Variants in PCDHA7 observed in about 807,000 individuals in gnomAD.
The protein encoded by PCDHA7 is protocadherin alpha 7, also known as protocadherin alpha-7.
PCDHA7 carries 37 observed loss-of-function variants against 57.2 expected under a neutral mutation model. The ratio of observed to expected loss-of-function variants is 0.65; its 90% CI spans 0.50 to 0.85. PCDHA7 has a LOEUF of 0.85. Ranked by LOEUF, PCDHA7 falls within the 40% of genes least tolerant of loss-of-function variation. PCDHA7 has a pLI of 0.00. For synonymous variants in PCDHA7, 553 were observed against 558.8 expected (o/e 0.99, Z 0.15); for missense variants, 1,188 against 1,241.8 (o/e 0.96, Z 0.65).
intron 1 of PCDHA7, among the ~76,000 whole-genome samples, chr5:140,954,639 T>A (rs1433862413): frequency 6.6e-6 from 1 of 152,240 alleles, no homozygotes; most frequent in East Asian, 1.9e-4. Flanking sequence ...TCTTGTAAAT[T>A]TGTTTAAGTT....
chr5:140,849,692 C>T, intron 1 of PCDHA7: 2 of 1,598,700 alleles, frequency 1.3e-6, no homozygotes, highest in Non-Finnish European at 1.7e-6. Context: ...AGCTGGTGTC[C>T]ACCTACAAGA....
chr5:140,869,136 C>T (rs1554162510), intron 1 of PCDHA7: 5 of 1,613,054 alleles, frequency 3.1e-6, no homozygotes, highest in South Asian at 1.1e-5. Context: ...GATTGGGCAC[C>T]CCACGACTAC....
chr5:140,856,831 A>G, intron 1 of PCDHA7: 1 of 1,591,946 alleles, frequency 6.3e-7, no homozygotes, highest in African/African-American at 1.3e-5. Flanking sequence ...CATTAGTAAT[A>G]CGGCTCAACG....
chr5:140,889,080 A>G (rs2062092798), intron 1 of PCDHA7, among the ~76,000 whole-genome samples: 1 of 151,888 alleles, frequency 6.6e-6, no homozygotes, highest in Non-Finnish European at 1.5e-5. Flanking sequence ...ATTTTGTTAA[A>G]TTTTCAAAAC....
chr5:140,917,327 GGGA>G (rs1563018681), intron 1 of PCDHA7, among the ~76,000 whole-genome samples: 5 of 149,526 alleles, frequency 3.3e-5, no homozygotes, highest in Admixed American at 6.6e-5. Context: ...CATGTGGCGG[GGGA>G]GGGGGGGGAT....
intron 1 of PCDHA7, among the ~76,000 whole-genome samples, chr5:140,955,267 T>C (rs1189039296): frequency 6.6e-6 from 1 of 152,140 alleles, no homozygotes; most frequent in Non-Finnish European, 1.5e-5. Context: ...AGGCTCTTTT[T>C]TGGTTCCATA....
Position 141,009,792 on chromosome 5 carries a change from C to G in PCDHA7, c.2669C>G (p.Pro890Arg), listed in dbSNP as rs1359138927. ...SPAIISIRQEPTNSQIDKSDF... is the reference protein window; with the variant it reads ...SPAIISIRQERTNSQIDKSDF... ...GCAATCATCTCCATCCGGCAGGAGC[C>G]TACTAACAGCCAAATTGACAAAAGT... The change falls in exon 4 of 4, where the codon CCT (proline) becomes CGT (arginine). Residue 890 changes from proline (P) to arginine (R), a missense_variant. Physicochemically the swap from Pro to Arg is moderately radical, Grantham distance 103. Coordinates refer to ENST00000525929, the MANE Select transcript of PCDHA7 (RefSeq NM_018910.3). The G allele has an allele frequency of 4.3e-6, 7 of 1,613,950 alleles. 1 individual carries two copies. Among genetic ancestry groups the G allele is most frequent in the Middle Eastern group, 3.3e-4 (2 of 6,084 alleles).
intron 1 of PCDHA7, among the ~76,000 whole-genome samples, chr5:140,952,159 G>T (rs1226707673): frequency 2.0e-5 from 3 of 152,056 alleles, no homozygotes; most frequent in African/African-American, 7.2e-5. Context: ...TGGCTTTGTG[G>T]GGTTCAGTTC....
intron 1 of PCDHA7, among the ~76,000 whole-genome samples, chr5:140,951,315 C>T (rs782114634): frequency 6.6e-6 from 1 of 151,988 alleles, no homozygotes. Context: ...ATGTGTTATT[C>T]TTGAGATTCA....
intron 1 of PCDHA7, chr5:140,870,040 A>C: frequency 6.2e-7 from 1 of 1,613,768 alleles, no homozygotes; most frequent in Non-Finnish European, 8.5e-7. Context: ...TGAAGAAAAC[A>C]AGTTTTATAA....
At chr5:140,985,103 A>C (rs1342526252) in intron 3 of PCDHA7, among the ~76,000 whole-genome samples, 1 of 151,694 alleles carries the variant, frequency 6.6e-6, no homozygotes, top group Admixed American at 6.6e-5. Context: ...AAGCCTGGCT[A>C]ATTTTTTGTG....
At chr5:140,890,248 A>G (rs2062564503) in intron 1 of PCDHA7, among the ~76,000 whole-genome samples, 1 of 152,096 alleles carries the variant, frequency 6.6e-6, no homozygotes, top group Non-Finnish European at 1.5e-5. Context: ...CCAGTACACT[A>G]CTGCACCTGA....
In PCDHA7 at chr5:140,835,791, C is replaced by T; in HGVS notation, c.1408C>T (p.Pro470Ser). The change falls in exon 1 of 4, where the codon CCG (proline) becomes TCG (serine). Residue 470 changes from proline (P) to serine (S), a missense_variant. Pro to Ser is a moderately conservative substitution (Grantham distance 74). This residue lies in a region of PCDHA7 where 892 missense variants were observed against 788.5 expected (regional missense o/e 1.13). Transcript: ENST00000525929. The part of the protein sequence containing the change: ...YTVFVKENNP[P>S]GCHIFTVSAG... ...GGTGTTCGTGAAGGAGAACAACCCG[C>T]CGGGCTGCCACATCTTCACTGTGTC... is the stretch of plus-strand genomic sequence containing the variant. The T allele has an allele frequency of 6.2e-7, 1 of 1,613,176 alleles. No individual in the cohort carries two copies. Among genetic ancestry groups the T allele is most frequent in the Non-Finnish European group, 8.5e-7 (1 of 1,179,754 alleles).
At chr5:140,848,315 C>A (rs1347571265) in intron 1 of PCDHA7, 1 of 741,172 alleles carries the variant, frequency 1.3e-6, no homozygotes. Flanking sequence ...CTCTTTGCCG[C>A]GATGTTCTCT....
chr5:140,919,509 A>G (rs897648504), intron 1 of PCDHA7, among the ~76,000 whole-genome samples: 1 of 152,052 alleles, frequency 6.6e-6, no homozygotes, highest in Non-Finnish European at 1.5e-5. Context: ...CTTTTTCTAT[A>G]TGTTTTAATT....
intron 1 of PCDHA7, chr5:140,871,194 G>C (rs1391937650): frequency 3.1e-6 from 5 of 1,613,574 alleles, no homozygotes; most frequent in African/African-American, 1.3e-5. Flanking sequence ...ATGTCAACGT[G>C]TACCTGATCA....
chr5:140,848,775 G>A, intron 1 of PCDHA7: 1 of 1,593,566 alleles, frequency 6.3e-7, no homozygotes, highest in Non-Finnish European at 8.6e-7. Context: ...CGACCGCGAG[G>A]AGCTGTGCGG....
intron 1 of PCDHA7, chr5:140,967,981 G>A (rs1192553799): frequency 4.3e-6 from 7 of 1,614,084 alleles, no homozygotes; most frequent in African/African-American, 1.3e-5. Flanking sequence ...TGGGTCTGGA[G>A]GCCACACTGC....
intron 1 of PCDHA7, chr5:140,853,957 G>T: frequency 2.7e-6 from 2 of 736,982 alleles, no homozygotes; most frequent in Non-Finnish European, 3.4e-6. Context: ...TCCCTTCCTT[G>T]AGCCCAGCAG....
Sources: gnomAD v4.1 joint callset for allele counts (sites outside exome capture counted in the v4.1 genomes callset) on GRCh38, gnomAD v4.1.1 for gene constraint, gnomAD v4.1.1 regional missense constraint, MANE v1.5 for transcripts, NCBI Gene and HGNC (gene_info 2026-07-23, HGNC 2026-07-21) for gene names.